The following DLC1 variants were observed in gnomAD, a reference collection of about 807,000 sequenced individuals.
DLC1 encodes rho GTPase-activating protein 7.
In DLC1, 54 loss-of-function variants were observed where a neutral mutation model predicts 140.3. The observed-to-expected ratio is 0.38, with a 90% CI of 0.31 to 0.48. The LOEUF (loss-of-function observed/expected upper bound fraction) is 0.48, where lower values mean the gene tolerates loss of function less well. Ranked by LOEUF, DLC1 falls within the 20% of genes least tolerant of loss-of-function variation. The pLI, the probability that DLC1 is intolerant of heterozygous loss-of-function variation, is 0.96. For missense variants in DLC1, 2,536 were observed against 1,907.0 expected (o/e 1.33, Z -6.14); for synonymous variants, 986 against 728.1 (o/e 1.35, Z -5.70).
At chr8:13,255,744 G>A (rs1046144424) in intron 5 of DLC1, among the ~76,000 whole-genome samples, 7 of 152,166 alleles carry the variant, frequency 4.6e-5, no homozygotes, top group Admixed American at 2.0e-4. Flanking sequence ...ATCACTTTCC[G>A]TCCAATACCA....
intron 5 of DLC1, among the ~76,000 whole-genome samples, chr8:13,178,886 T>C (rs1825891609): frequency 6.6e-6 from 1 of 152,162 alleles, no homozygotes; most frequent in Admixed American, 6.5e-5. Flanking sequence ...GTATCAACTG[T>C]GATATGGCAA....
intron 5 of DLC1, chr8:13,133,375 C>T (rs1183133095): frequency 6.0e-6 from 6 of 994,228 alleles, no homozygotes; most frequent in African/African-American, 3.5e-5. Context: ...CCGCCTCCTC[C>T]CCGCTGTCTG....
chr8:13,278,722 C>G (rs1304611942), intron 5 of DLC1, among the ~76,000 whole-genome samples: 1 of 152,084 alleles, frequency 6.6e-6, no homozygotes, highest in Non-Finnish European at 1.5e-5. Flanking sequence ...TGCAAAGTGA[C>G]TGACTATAAT....
intron 5 of DLC1, among the ~76,000 whole-genome samples, chr8:13,132,178 G>A (rs1206418718): frequency 6.6e-6 from 1 of 151,294 alleles, no homozygotes; most frequent in Non-Finnish European, 1.5e-5. Flanking sequence ...ACGATTCAGC[G>A]ACCCATCTCC....
At position 13,393,671 on chromosome 8, in the gene DLC1, C is replaced by A. The variant is rs1362505012; in HGVS notation, c.1196G>T (p.Ser399Ile). The change falls in exon 4 of 18, where the codon AGT (serine) becomes ATT (isoleucine). Residue 399 changes from serine (S) to isoleucine (I), a missense_variant. Coordinates refer to ENST00000276297, the MANE Select transcript of DLC1 (RefSeq NM_182643.3). ...HVPDLESGSE[S>I]GADTISVNQT... is the part of the protein sequence containing the mutation. ...ATTTACTGAAATGGTATCTGCTCCA[C>A]TTTCAGATCCTGATTCCAGATCCTA... is the stretch of plus-strand genomic sequence containing the variant. The A allele has an allele frequency of 1.2e-6, 2 of 1,613,734 alleles. No individual in the cohort carries two copies. The highest frequency in any genetic ancestry group is 1.3e-5 in the African/African-American group (1 of 74,928).
At chr8:13,471,988 G>A (rs1487979273) in intron 2 of DLC1, among the ~76,000 whole-genome samples, 2 of 152,272 alleles carry the variant, frequency 1.3e-5, no homozygotes, top group Non-Finnish European at 1.5e-5. Flanking sequence ...TCAAAAAATT[G>A]AGGCCTGTGC....
intron 1 of DLC1, among the ~76,000 whole-genome samples, chr8:13,570,342 T>C (rs1304276961): frequency 6.6e-6 from 1 of 151,092 alleles, no homozygotes; most frequent in Non-Finnish European, 1.5e-5. Context: ...CTGTGCACAT[T>C]GTGCAGGTTA....
At chr8:13,289,347 C>A (rs1014193716) in intron 5 of DLC1, among the ~76,000 whole-genome samples, 1 of 152,102 alleles carries the variant, frequency 6.6e-6, no homozygotes, top group African/African-American at 2.4e-5. Context: ...TGTGCCTTTG[C>A]ACCTGGTTAA....
chr8:13,231,112 T>A (rs1285564596), intron 5 of DLC1, among the ~76,000 whole-genome samples: 1 of 152,148 alleles, frequency 6.6e-6, no homozygotes, highest in East Asian at 1.9e-4. Context: ...GGGCCTGGTC[T>A]GTTGCAGGAG....
At chr8:13,088,401 T>C (rs1563561095) in intron 16 of DLC1, 86 bp downstream of exon 16, 4 of 1,447,870 alleles carry the variant, frequency 2.8e-6, no homozygotes, top group Middle Eastern at 1.9e-4. Context: ...TAAATAATTA[T>C]ACCATCTTGT....
chr8:13,112,169 TA>T (rs950261797), intron 6 of DLC1, among the ~76,000 whole-genome samples: 1 of 151,748 alleles, frequency 6.6e-6, no homozygotes, highest in East Asian at 1.9e-4. Context: ...AAATAAAAAG[TA>T]AAAAAATCCC....
intron 2 of DLC1, among the ~76,000 whole-genome samples, chr8:13,458,482 G>A (rs1409441234): frequency 6.6e-6 from 1 of 152,114 alleles, no homozygotes; most frequent in Non-Finnish European, 1.5e-5. Flanking sequence ...AACATAGAGT[G>A]AGCTCATTAA....
At chr8:13,104,835 G>A (rs959582429) in intron 7 of DLC1, among the ~76,000 whole-genome samples, 3 of 152,132 alleles carry the variant, frequency 2.0e-5, no homozygotes, top group Non-Finnish European at 4.4e-5. Context: ...CTCTGTTGAT[G>A]GGGAAGAAAA....
At chr8:13,422,873 G>A (rs1345107139) in intron 2 of DLC1, among the ~76,000 whole-genome samples, 1 of 152,064 alleles carries the variant, frequency 6.6e-6, no homozygotes, top group Non-Finnish European at 1.5e-5. Context: ...ATTCTGATTG[G>A]GTGATATGGC....
chr8:13,590,076 T>C (rs539558487), intron 1 of DLC1, among the ~76,000 whole-genome samples: 3 of 148,370 alleles, frequency 2.0e-5, no homozygotes, highest in South Asian at 2.1e-4. Flanking sequence ...TATATATATA[T>C]ACAAACACAT....
chr8:13,603,876 T>C (rs1805965332), intron 1 of DLC1, among the ~76,000 whole-genome samples: 1 of 152,122 alleles, frequency 6.6e-6, no homozygotes, highest in Non-Finnish European at 1.5e-5. Context: ...TAAAAAGCTA[T>C]GCCTTTGAGA....
At chr8:13,417,611 T>TG (rs1563329966) in intron 2 of DLC1, among the ~76,000 whole-genome samples, 4 of 152,048 alleles carry the variant, frequency 2.6e-5, no homozygotes. Flanking sequence ...AGTCTATGAT[T>TG]GTTGGACATT....
chr8:13,393,654 A>G lies in DLC1; in HGVS notation c.1213T>C (p.Ser405Pro). 1 of 1,614,120 alleles carries G rather than the reference A, an allele frequency of 6.2e-7. No homozygotes were observed. The highest frequency in any genetic ancestry group is 8.5e-7 in the Non-Finnish European group (1 of 1,180,022). Residue 405 changes from serine to proline, a missense_variant, in exon 4 of 18, where the codon TCA (serine) becomes CCA (proline). Transcript: ENST00000276297. ...SGSESGADTI[S>P]VNQTRVNLSS... The stretch of plus-strand genomic sequence containing the variant: ...AAATTTACTCGTGTCTGATTTACTG[A>G]AATGGTATCTGCTCCACTTTCAGAT...
intron 5 of DLC1, among the ~76,000 whole-genome samples, chr8:13,121,111 G>A (rs987832177): frequency 6.6e-6 from 1 of 152,080 alleles, no homozygotes; most frequent in South Asian, 2.1e-4. Context: ...GCAATTTTAA[G>A]AAATTAAAGG....
Sources: gnomAD v4.1 joint callset for allele counts (sites outside exome capture counted in the v4.1 genomes callset) on GRCh38, gnomAD v4.1.1 for gene constraint, MANE v1.5 for transcripts, NCBI Gene and HGNC (gene_info 2026-07-23, HGNC 2026-07-21) for gene names.